Variants in SLC24A2 observed in about 807,000 individuals in gnomAD.
SLC24A2 encodes solute carrier family 24 member 2, also known as sodium/potassium/calcium exchanger 2.
SLC24A2 carries 36 observed loss-of-function variants against 62.0 expected under a neutral mutation model. The observed-to-expected ratio is 0.58, with a 90% CI of 0.44 to 0.77. The LOEUF (loss-of-function observed/expected upper bound fraction) is 0.77, where lower values mean the gene tolerates loss of function less well. SLC24A2 is among the 30% of genes least tolerant of loss of function. SLC24A2 has a pLI of 0.00. For synonymous variants in SLC24A2, 358 were observed against 294.0 expected, an observed-to-expected ratio of 1.22 and a Z score of -2.23; for missense variants, 846 against 817.9, an observed-to-expected ratio of 1.03 and a Z score of -0.42.
At chr9:20,166,461 T>C in the SLC24A2 span, among the ~76,000 whole-genome samples, 3 of 151,938 alleles carry the variant, frequency 2.0e-5, no homozygotes, top group Admixed American at 6.6e-5. Flanking sequence ...ACATCTATTA[T>C]GCAACTGTAA....
chr9:20,208,343 A>G, the SLC24A2 span, among the ~76,000 whole-genome samples: 1 of 152,206 alleles, frequency 6.6e-6, no homozygotes, highest in Non-Finnish European at 1.5e-5. Context: ...AGGGGCTCGC[A>G]TAGCACGGCG....
chr9:19,751,705 A>G (rs1821990384), intron 2 of SLC24A2, among the ~76,000 whole-genome samples: 1 of 152,148 alleles, frequency 6.6e-6, no homozygotes, highest in South Asian at 2.1e-4. Flanking sequence ...CTTGTAGGTG[A>G]GCAGAGTACC....
At chr9:19,550,533 C>G (rs1371941937) in intron 7 of SLC24A2, among the ~76,000 whole-genome samples, 1 of 152,134 alleles carries the variant, frequency 6.6e-6, no homozygotes, top group Admixed American at 6.5e-5. Flanking sequence ...ACTGATTATT[C>G]AACTGGAGTG....
At chr9:19,787,092 T>G (rs2118951224) in intron 1 of SLC24A2, 73 bp from the exon 2 acceptor site, 1 of 826,792 alleles carries the variant, frequency 1.2e-6, no homozygotes, top group Admixed American at 6.2e-5. Context: ...TTTGCAGATA[T>G]GATAAAGTCC....
chr9:19,611,076 T>C (rs568364089), intron 4 of SLC24A2, among the ~76,000 whole-genome samples: 1 of 152,288 alleles, frequency 6.6e-6, no homozygotes, highest in African/African-American at 2.4e-5. Context: ...TTGCTTCTGA[T>C]ATTTTCAAAA....
intron 2 of SLC24A2, among the ~76,000 whole-genome samples, chr9:19,743,796 G>C (rs534712599): frequency 1.3e-5 from 2 of 152,024 alleles, no homozygotes; most frequent in South Asian, 4.2e-4. Flanking sequence ...ACATTTAGAC[G>C]CAATTCTTGG....
chr9:19,728,853 A>T (rs1426658850), intron 2 of SLC24A2, among the ~76,000 whole-genome samples: 1 of 152,192 alleles, frequency 6.6e-6, no homozygotes, highest in East Asian at 1.9e-4. Flanking sequence ...ATTTGTTTGC[A>T]TTGAGGCTGA....
the SLC24A2 span, among the ~76,000 whole-genome samples, chr9:20,122,993 G>C: frequency 6.6e-6 from 1 of 152,108 alleles, no homozygotes. Flanking sequence ...TCACCCATTC[G>C]ATGCTTTGTT....
chr9:19,700,840 T>A (rs1211612196), intron 2 of SLC24A2, among the ~76,000 whole-genome samples: 3 of 152,192 alleles, frequency 2.0e-5, no homozygotes, highest in Non-Finnish European at 4.4e-5. Context: ...ACCTTCTCCA[T>A]TTTCAAATCA....
the SLC24A2 span, among the ~76,000 whole-genome samples, chr9:20,019,261 A>G: frequency 8.0e-6 from 1 of 124,382 alleles, no homozygotes; most frequent in African/African-American, 3.0e-5. Context: ...AAGAGAAAGA[A>G]AGAAAGAAAG....
At chr9:19,946,350 T>C in the SLC24A2 span, among the ~76,000 whole-genome samples, 1 of 152,198 alleles carries the variant, frequency 6.6e-6, no homozygotes, top group African/African-American at 2.4e-5. Context: ...TAATTTCAAC[T>C]AAGTGTGCTC....
intron 8 of SLC24A2, among the ~76,000 whole-genome samples, chr9:19,531,280 T>A (rs1833697142): frequency 6.6e-6 from 1 of 152,234 alleles, no homozygotes; most frequent in Non-Finnish European, 1.5e-5. Flanking sequence ...CAGCATGGTC[T>A]CATTCCAGAC....
At chr9:19,567,563 AAG>A (rs1163126866) in intron 7 of SLC24A2, among the ~76,000 whole-genome samples, 244 of 13,426 alleles carry the variant, frequency 0.018, 2 homozygotes, top group African/African-American at 0.028. Flanking sequence ...AAAAAAAAAA[AAG>A]GTAAGGAATA....
chr9:19,577,571 G>A (rs1346299693), intron 5 of SLC24A2, among the ~76,000 whole-genome samples: 1 of 152,142 alleles, frequency 6.6e-6, no homozygotes, highest in Non-Finnish European at 1.5e-5. Flanking sequence ...GTTTCTAAAC[G>A]AGTAAGGAAC....
At chr9:20,282,079 A>G in the SLC24A2 span, among the ~76,000 whole-genome samples, 8 of 152,272 alleles carry the variant, frequency 5.3e-5, no homozygotes, top group East Asian at 1.5e-3. Flanking sequence ...AAGAATCCTA[A>G]AATTTTCTTT....
the SLC24A2 span, among the ~76,000 whole-genome samples, chr9:20,145,459 A>C: frequency 6.6e-6 from 1 of 152,090 alleles, no homozygotes; most frequent in Non-Finnish European, 1.5e-5. Context: ...CATCGATCTC[A>C]ACAGTGAATA....
Position 19,516,113 on chromosome 9 carries a change from G to A in SLC24A2, c.*40C>T, listed in dbSNP as rs1391619869. On this transcript the variant is annotated 3_prime_UTR_variant, in exon 11 of 11. Coordinates refer to ENST00000341998, the MANE Select transcript of SLC24A2 (RefSeq NM_020344.4). ...GGAGCCCAGAGCCCAGAGTGTGGAG[G>A]GACCATTCATGCTGCTGGTGCAAGA... 1 of 1,613,062 alleles carries A rather than the reference G, an allele frequency of 6.2e-7. No individual in the cohort carries two copies. Among genetic ancestry groups the A allele is most frequent in the Admixed American group, 1.7e-5 (1 of 60,014 alleles).
chr9:19,862,276 A>G, the SLC24A2 span, among the ~76,000 whole-genome samples: 1 of 152,176 alleles, frequency 6.6e-6, no homozygotes, highest in South Asian at 2.1e-4. Context: ...ACAGGCTAGG[A>G]GAGAGTGGTA....
chr9:19,775,840 A>G (rs1822829793), intron 2 of SLC24A2, among the ~76,000 whole-genome samples: 1 of 152,152 alleles, frequency 6.6e-6, no homozygotes, highest in Non-Finnish European at 1.5e-5. Flanking sequence ...ACCTTGATCA[A>G]ACAGATGCCC....
Sources: gnomAD v4.1 joint callset for allele counts (sites outside exome capture counted in the v4.1 genomes callset) on GRCh38, gnomAD v4.1.1 for gene constraint, MANE v1.5 for transcripts, NCBI Gene and HGNC (gene_info 2026-07-23, HGNC 2026-07-21) for gene names.